Variants in MRPS28 observed in about 807,000 individuals in gnomAD.
The protein encoded by MRPS28 is mitochondrial ribosomal protein S28.
A neutral mutation model predicts 10.8 loss-of-function variants in MRPS28; 7 were observed. The ratio of observed to expected loss-of-function variants is 0.65; its 90% CI spans 0.37 to 1.22. The LOEUF is 1.22. MRPS28 is among the 50% of genes most tolerant of loss of function. MRPS28 has a pLI of 0.02. For missense variants in MRPS28, 265 were observed against 232.9 expected, an observed-to-expected ratio of 1.14 and a Z score of -0.90; for synonymous variants, 121 against 93.3, an observed-to-expected ratio of 1.30 and a Z score of -1.71.
At chr8:79,976,589 C>T (rs1807808065) in intron 2 of MRPS28, among the ~76,000 whole-genome samples, 1 of 151,904 alleles carries the variant, frequency 6.6e-6, no homozygotes, top group Admixed American at 6.6e-5. Context: ...ACCTGTAGCC[C>T]CAACTACACG....
chr8:79,938,876 C>G (rs893622876), intron 2 of MRPS28, among the ~76,000 whole-genome samples: 4 of 152,238 alleles, frequency 2.6e-5, no homozygotes, highest in Non-Finnish European at 2.9e-5. Context: ...AAAAGAAACA[C>G]AAAATTTTTA....
intron 2 of MRPS28, among the ~76,000 whole-genome samples, chr8:79,954,844 C>A (rs1807163619): frequency 6.6e-6 from 1 of 152,116 alleles, no homozygotes; most frequent in African/African-American, 2.4e-5. Flanking sequence ...TTTAAGACTA[C>A]TGGAAGCTTG....
intron 2 of MRPS28, among the ~76,000 whole-genome samples, chr8:79,922,831 TTA>T (rs1290412166): frequency 6.6e-6 from 1 of 151,928 alleles, no homozygotes; most frequent in Non-Finnish European, 1.5e-5. Context: ...AATATATACT[TTA>T]TATATTCTAA....
At chr8:80,007,999 A>G (rs1224534886) in intron 1 of MRPS28, among the ~76,000 whole-genome samples, 1 of 152,242 alleles carries the variant, frequency 6.6e-6, no homozygotes, top group African/African-American at 2.4e-5. Flanking sequence ...AGCTAGAGGC[A>G]TCAAGCTACC....
chr8:79,975,124 T>C (rs1175070338), intron 2 of MRPS28, among the ~76,000 whole-genome samples: 5 of 151,818 alleles, frequency 3.3e-5, no homozygotes, highest in Non-Finnish European at 7.4e-5. Context: ...CCCCACCCCA[T>C]CTCTACAGAA....
chr8:80,016,475 G>A (rs7006168), intron 1 of MRPS28, among the ~76,000 whole-genome samples: 2,447 of 151,660 alleles, frequency 0.016, 71 homozygotes, highest in African/African-American at 0.056. Flanking sequence ...AAAAATGAAG[G>A]AGAATTAAAG....
intron 2 of MRPS28, among the ~76,000 whole-genome samples, chr8:79,968,671 C>A (rs972790298): frequency 1.3e-4 from 20 of 151,878 alleles, no homozygotes; most frequent in African/African-American, 3.9e-4. Flanking sequence ...TCCTCTCTCG[C>A]CTTAGGGAAC....
At chr8:80,019,948 G>A (rs371975461) in intron 1 of MRPS28, among the ~76,000 whole-genome samples, 4 of 152,282 alleles carry the variant, frequency 2.6e-5, no homozygotes, top group East Asian at 1.9e-4. Context: ...CCTGAGACAC[G>A]TGCCCAAGGA....
chr8:79,934,748 T>C (rs757820649), intron 2 of MRPS28, among the ~76,000 whole-genome samples: 3 of 152,234 alleles, frequency 2.0e-5, no homozygotes, highest in Admixed American at 6.5e-5. Flanking sequence ...ATGTAAAGCA[T>C]GTAAATCAGC....
At chr8:79,962,038 C>T (rs906549955) in intron 2 of MRPS28, among the ~76,000 whole-genome samples, 2 of 151,970 alleles carry the variant, frequency 1.3e-5, no homozygotes, top group African/African-American at 2.4e-5. Context: ...TATTGGCCCA[C>T]ATTTTCTAAG....
intron 1 of MRPS28, among the ~76,000 whole-genome samples, chr8:80,024,003 C>G (rs1037961424): frequency 8.5e-5 from 13 of 152,146 alleles, no homozygotes; most frequent in African/African-American, 2.9e-4. Context: ...CTAGGGCAGG[C>G]AAATTGCCTG....
chr8:80,026,369 T>G (rs1043460633), intron 1 of MRPS28, among the ~76,000 whole-genome samples: 2 of 152,248 alleles, frequency 1.3e-5, no homozygotes, highest in Non-Finnish European at 2.9e-5. Flanking sequence ...TAAAATTATT[T>G]TTACTCAATT....
intron 1 of MRPS28, among the ~76,000 whole-genome samples, chr8:80,013,675 C>G (rs1223382969): frequency 7.3e-6 from 1 of 137,056 alleles, no homozygotes; most frequent in Non-Finnish European, 1.6e-5. Context: ...AGAAAAAAAA[C>G]AATAACAATA....
chr8:79,999,792 A>G (rs768211763), intron 2 of MRPS28, among the ~76,000 whole-genome samples: 1 of 152,212 alleles, frequency 6.6e-6, no homozygotes, highest in Non-Finnish European at 1.5e-5. Context: ...AAATAACATT[A>G]TCAGTCTGTA....
intron 2 of MRPS28, among the ~76,000 whole-genome samples, chr8:79,924,805 T>C (rs1015708338): frequency 6.6e-6 from 1 of 152,172 alleles, no homozygotes; most frequent in African/African-American, 2.4e-5. Flanking sequence ...TCGACCTGTC[T>C]AGTCTATTGC....
chr8:80,030,024 C>G lies in MRPS28; in HGVS notation c.213+12G>C. On this transcript the variant is annotated intron_variant, in intron 1 of 2. Coordinates refer to ENST00000276585, the MANE Select transcript of MRPS28 (RefSeq NM_014018.3). ...AATTCCCGCGACTCCCTCTCACCCG[C>G]CCGGGCTCCACCTTCTGTAGGGGCT... The G allele has an allele frequency of 6.2e-7, 1 of 1,604,366 alleles. No individual in the cohort carries two copies. Among genetic ancestry groups the G allele is most frequent in the South Asian group, 1.1e-5 (1 of 90,742 alleles).
chr8:79,987,728 T>TA (rs1371863870), intron 2 of MRPS28, among the ~76,000 whole-genome samples: 1 of 152,156 alleles, frequency 6.6e-6, no homozygotes, highest in Non-Finnish European at 1.5e-5. Context: ...CACAATGAGA[T>TA]ACCATCTCAC....
At chr8:79,942,325 C>T (rs1309498714) in intron 2 of MRPS28, among the ~76,000 whole-genome samples, 30 of 152,126 alleles carry the variant, frequency 2.0e-4, no homozygotes, top group Admixed American at 2.0e-3. Flanking sequence ...AATAAAGTCA[C>T]AATTTCAAGA....
At chr8:79,931,585 C>T (rs1333617168) in intron 2 of MRPS28, among the ~76,000 whole-genome samples, 1 of 152,180 alleles carries the variant, frequency 6.6e-6, no homozygotes, top group Non-Finnish European at 1.5e-5. Context: ...CACCGTAGTT[C>T]CTACCTCATA....
Sources: gnomAD v4.1 joint callset for allele counts (sites outside exome capture counted in the v4.1 genomes callset) on GRCh38, gnomAD v4.1.1 for gene constraint, MANE v1.5 for transcripts, NCBI Gene and HGNC (gene_info 2026-07-23, HGNC 2026-07-21) for gene names.